POLQ: variants seen among roughly 807,000 people sequenced by gnomAD.
POLQ encodes DNA polymerase theta, also known as epididymis secretory sperm binding protein.
A neutral mutation model predicts 259.2 loss-of-function variants in POLQ; 233 were observed. The ratio of observed to expected loss-of-function variants is 0.90; its 90% confidence interval spans 0.81 to 1.00. POLQ has a LOEUF of 1.00. POLQ is among the 50% of genes least tolerant of loss of function. The pLI is 0.00. For synonymous variants in POLQ, 1,025 were observed against 1,048.8 expected (o/e 0.98, Z 0.44); for missense variants, 2,871 against 3,051.6 (o/e 0.94, Z 1.39).
At chr3:121,450,052 C>CA (rs1201899998) in intron 25 of POLQ, among the ~76,000 whole-genome samples, 1 of 152,110 alleles carries the variant, frequency 6.6e-6, no homozygotes, top group African/African-American at 2.4e-5. Context: ...GGCCGGGGTT[C>CA]AAAGCCTAGA....
chr3:121,442,596 A>G (rs1337319863), intron 26 of POLQ, among the ~76,000 whole-genome samples: 2 of 152,266 alleles, frequency 1.3e-5, no homozygotes, highest in East Asian at 1.9e-4. Context: ...CTCCAGTTCC[A>G]TCCCTGTTGT....
chr3:121,518,947 T>C (rs1434840735), intron 9 of POLQ, among the ~76,000 whole-genome samples: 4 of 152,166 alleles, frequency 2.6e-5, no homozygotes, highest in Admixed American at 1.3e-4. Flanking sequence ...TGCTGCCGTT[T>C]TGACATTTAA....
chr3:121,520,313 A>G (rs1458228868), intron 8 of POLQ, among the ~76,000 whole-genome samples: 4 of 152,090 alleles, frequency 2.6e-5, no homozygotes, highest in South Asian at 2.1e-4. Flanking sequence ...AGGCAGGTGG[A>G]TCGCTTGAGG....
intron 20 of POLQ, among the ~76,000 whole-genome samples, chr3:121,474,051 G>C (rs2047906419): frequency 1.3e-5 from 2 of 152,148 alleles, no homozygotes; most frequent in Non-Finnish European, 2.9e-5. Flanking sequence ...CAGGAACACA[G>C]GCACGTATAT....
In POLQ at chr3:121,511,820, CAT is replaced by C. The variant is rs1042146580; in HGVS notation, c.1611+65_1611+66del. ...AATAAATAAATAAAGCTAAGATTTTCATATACTAACATTTTACTAATTTAGGC... is the reference window on the plus strand; with the variant it reads ...AATAAATAAATAAAGCTAAGATTTTCATACTAACATTTTACTAATTTAGGC... On this transcript the variant is annotated intron_variant, in intron 10 of 29. Transcript: ENST00000264233. 798 of 1,189,962 alleles carry C rather than the reference CAT, an allele frequency of 6.7e-4. 5 individuals carry two copies. In the African/African-American group the frequency reaches 0.011, roughly 16 times the overall value. The allele number at this position is 1,189,962 out of a possible 1,614,324, so 73.7% of individuals were successfully genotyped here. A position where few individuals can be genotyped will look rare whatever the true frequency, so the allele number is the denominator to read the frequency against.
At chr3:121,464,458 TCAA>T (rs542064920) in intron 24 of POLQ, among the ~76,000 whole-genome samples, 26 of 152,292 alleles carry the variant, frequency 1.7e-4, no homozygotes, top group African/African-American at 4.8e-4. Flanking sequence ...TTAATTACAA[TCAA>T]CATGTTATAT....
Position 121,510,048 on chromosome 3 carries a change from C to T in POLQ, c.1807G>A (p.Gly603Arg), listed in dbSNP as rs1419521107. 4 of 1,612,810 alleles carry T rather than the reference C, an allele frequency of 2.5e-6. No homozygotes were observed. The highest frequency in any genetic ancestry group is 1.6e-4 in the Middle Eastern group (1 of 6,082). The change falls in exon 11 of 30, where the codon GGA (glycine) becomes AGA (arginine). Residue 603 changes from glycine (G) to arginine (R), a missense_variant. Transcript: ENST00000264233. ...EFIQSTEASD[G>R]TEGKVYHPTH... Reference sequence around the variant, plus strand: ...GAGAAGTCACACTTACCTTCTGTTCCATCACTGGCTTCTGTACTCTGGATG... The same window carrying T: ...GAGAAGTCACACTTACCTTCTGTTCTATCACTGGCTTCTGTACTCTGGATG...
intron 18 of POLQ, among the ~76,000 whole-genome samples, chr3:121,483,103 C>T (rs1265780393): frequency 1.3e-5 from 2 of 152,108 alleles, no homozygotes; most frequent in Non-Finnish European, 2.9e-5. Context: ...TACTATCAGA[C>T]AGAAAACTTA....
chr3:121,456,089 A>T (rs2047734274), intron 25 of POLQ, among the ~76,000 whole-genome samples: 1 of 152,242 alleles, frequency 6.6e-6, no homozygotes, highest in Non-Finnish European at 1.5e-5. Context: ...TACACAAATC[A>T]ATAAATGTAA....
At position 121,534,334 on chromosome 3, in the gene POLQ, C is replaced by CT. The variant is rs71619797; in HGVS notation, c.741-1126dup. The stretch of plus-strand genomic sequence containing the variant: ...TCAAGCTTTCTGTTGCATTATTTTA[C>CT]TTTTTTTTTTTTTGAGACAGGGTCT... On this transcript the variant is annotated intron_variant, in intron 5 of 29. Transcript: ENST00000264233. 2.2e-3 allele frequency among the ~76,000 whole-genome samples: 310 copies of CT among 144,128 alleles called. 1 individual carries two copies. Among genetic ancestry groups the CT allele is most frequent in the African/African-American group, 4.5e-3 (180 of 39,694 alleles). 94.6% of individuals were successfully genotyped at this position (144,128 alleles called of 152,430 possible). A position where few individuals can be genotyped will look rare whatever the true frequency, so the allele number is the denominator to read the frequency against.
intron 8 of POLQ, 177 bp downstream of exon 8, chr3:121,521,826 C>T: frequency 2.6e-6 from 1 of 381,048 alleles, no homozygotes; most frequent in Non-Finnish European, 4.6e-6. Context: ...TTGCTTCGGC[C>T]TCCCAAAGTG....
chr3:121,492,692 G>T (rs958288505), intron 15 of POLQ, among the ~76,000 whole-genome samples: 11 of 150,164 alleles, frequency 7.3e-5, no homozygotes, highest in African/African-American at 2.7e-4. Context: ...CTGGAGTTCA[G>T]TGGCACTATC....
chr3:121,441,512 T>C (rs1472719282), intron 26 of POLQ, among the ~76,000 whole-genome samples: 1 of 152,236 alleles, frequency 6.6e-6, no homozygotes, highest in African/African-American at 2.4e-5. Context: ...GTCTGCCTTC[T>C]TTTGCTAAGG....
In POLQ at chr3:121,522,032, A is replaced by ACAGTTTT; in HGVS notation, c.1219_1225dup (p.Val409GlufsTer17). ...ATGATGAAATGCTACTCCCCATGGT[A>ACAGTTTT]CAGTTTTCTGTAATACAGAGTCCAG... On this transcript the variant is annotated frameshift_variant, in exon 8 of 30. Coordinates refer to ENST00000264233, the MANE Select transcript of POLQ (RefSeq NM_199420.4). LOFTEE classifies it high-confidence loss of function. 6.3e-7 allele frequency: 1 copy of ACAGTTTT among 1,594,758 alleles called. No individual in the cohort carries two copies. Among genetic ancestry groups the ACAGTTTT allele is most frequent in the Non-Finnish European group, 8.5e-7 (1 of 1,172,312 alleles).
intron 25 of POLQ, among the ~76,000 whole-genome samples, chr3:121,457,240 G>A (rs539971524): frequency 6.6e-6 from 1 of 152,168 alleles, no homozygotes; most frequent in African/African-American, 2.4e-5. Flanking sequence ...AATTCAAGAT[G>A]GATTAAAGAC....
chr3:121,541,445 T>C lies in POLQ; in HGVS notation c.378A>G (p.Glu126=). 1 of 1,611,396 alleles carries C rather than the reference T, an allele frequency of 6.2e-7. No homozygotes were observed. Residue 126 remains glutamate (E), a synonymous_variant, in exon 3 of 30, where the codon GAA becomes GAG. Transcript: ENST00000264233. Reference sequence around the variant, plus strand: ...CCAAAACCCGCTTCAAAATAAGTAATTCTGCCACAAGAGTCTTCCCAGCAC... The same window carrying C: ...CCAAAACCCGCTTCAAAATAAGTAACTCTGCCACAAGAGTCTTCCCAGCAC... ...PTSAGKTLVA[E]LLILKRVLEM... is the part of the protein sequence containing the mutation.
chr3:121,467,202 G>A (rs561861589), intron 24 of POLQ, among the ~76,000 whole-genome samples: 36 of 152,184 alleles, frequency 2.4e-4, no homozygotes, highest in Non-Finnish European at 4.4e-4. Flanking sequence ...GACAAATGCT[G>A]TAAACAAGTT....
intron 24 of POLQ, among the ~76,000 whole-genome samples, chr3:121,460,784 G>A (rs935908568): frequency 6.6e-6 from 1 of 152,122 alleles, no homozygotes; most frequent in Non-Finnish European, 1.5e-5. Flanking sequence ...GTGGTCAACA[G>A]GTGAGCAAGT....
At chr3:121,469,027 AAC>A (rs1205903380) in intron 22 of POLQ, among the ~76,000 whole-genome samples, 3 of 152,074 alleles carry the variant, frequency 2.0e-5, no homozygotes, top group African/African-American at 7.2e-5. Flanking sequence ...CTCCACTAAA[AAC>A]ACAAAAAATT....
Sources: gnomAD v4.1 joint callset for allele counts (sites outside exome capture counted in the v4.1 genomes callset) on GRCh38, gnomAD v4.1.1 for gene constraint, MANE v1.5 for transcripts, NCBI Gene and HGNC (gene_info 2026-07-23, HGNC 2026-07-21) for gene names.